PLEKHG4B: variants seen among roughly 807,000 people sequenced by gnomAD.
PLEKHG4B encodes the protein pleckstrin homology and RhoGEF domain containing G4B.
In PLEKHG4B, 111 loss-of-function variants were observed where a neutral mutation model predicts 121.3. The ratio of observed to expected loss-of-function variants is 0.92; its 90% CI spans 0.78 to 1.07. PLEKHG4B has a LOEUF of 1.07. PLEKHG4B is among the 50% of genes least tolerant of loss of function. PLEKHG4B has a pLI of 0.00. For synonymous variants in PLEKHG4B, 738 were observed against 725.0 expected, an observed-to-expected ratio of 1.02 and a Z score of -0.29; for missense variants, 1,831 against 1,757.8, an observed-to-expected ratio of 1.04 and a Z score of -0.74.
At position 163,230 on chromosome 5, in the gene PLEKHG4B, T is replaced by C. The variant is rs1199611592; in HGVS notation, c.3158T>C (p.Leu1053Pro). 15 of 1,606,200 alleles carry C rather than the reference T, an allele frequency of 9.3e-6. No individual in the cohort carries two copies. The highest frequency in any genetic ancestry group is 1.3e-5 in the African/African-American group (1 of 74,876). ...LPGAGATTAHLEDSSACSSEP... is the reference protein window; with the variant it reads ...LPGAGATTAHPEDSSACSSEP... ...GGGGCAGGGGCCACCACGGCCCACCTGGAGGACAGCTCTGCCTGTTCCTCT... is the reference window on the plus strand; with the variant it reads ...GGGGCAGGGGCCACCACGGCCCACCCGGAGGACAGCTCTGCCTGTTCCTCT... The change falls in exon 13 of 20, where the codon CTG becomes CCG. Residue 1053 changes from leucine to proline, a missense_variant. Leu to Pro is a moderately conservative substitution (Grantham distance 98). Transcript: ENST00000637938.
chr5:184,733 G>GT lies in PLEKHG4B; in HGVS notation c.*2411dup, dbSNP rs1733561288. 6.6e-6 allele frequency: 1 copy of GT among 152,184 alleles called. No homozygotes were observed. Among genetic ancestry groups the GT allele is most frequent in the Admixed American group, 6.5e-5 (1 of 15,278 alleles). The allele number at this position is 152,184 out of a possible 1,614,324, so 9.4% of individuals were successfully genotyped here. A position where few individuals can be genotyped will look rare whatever the true frequency, so the allele number is the denominator to read the frequency against. The stretch of plus-strand genomic sequence containing the variant: ...AAACGGGAAATGGGTTAAAAGATGA[G>GT]TGGCTTGGCCGGGTGCGGTGGCTCA... On this transcript the variant is annotated 3_prime_UTR_variant, in exon 20 of 20. Transcript: ENST00000637938.
At position 93,822 on chromosome 5, in the gene PLEKHG4B, G is replaced by A. The variant is rs145321171; in HGVS notation, c.45+1546G>A. 4.6e-3 allele frequency among the ~76,000 whole-genome samples: 698 copies of A among 152,262 alleles called. 2 individuals carry two copies. Among genetic ancestry groups the A allele is most frequent in the Non-Finnish European group, 7.1e-3 (481 of 68,008 alleles). Reference sequence around the variant, plus strand: ...AGTAGCCCAGAAATGCTGGGCTGAGGAAGTAATTTGCCCCAAGGCTCCCTG... The same window carrying A: ...AGTAGCCCAGAAATGCTGGGCTGAGAAAGTAATTTGCCCCAAGGCTCCCTG... On this transcript the variant is annotated intron_variant, in intron 1 of 19. Coordinates refer to ENST00000637938, the MANE Select transcript of PLEKHG4B (RefSeq NM_052909.5).
chr5:112,279 C>G (rs971737541), intron 1 of PLEKHG4B, among the ~76,000 whole-genome samples: 1 of 152,194 alleles, frequency 6.6e-6, no homozygotes, highest in African/African-American at 2.4e-5. Context: ...TACCTCCAGT[C>G]ACAGGCCCAG....
Position 143,437 on chromosome 5 carries a change from G to C in PLEKHG4B, c.1745G>C (p.Trp582Ser), listed in dbSNP as rs2126405776. 2 of 1,612,890 alleles carry C rather than the reference G, an allele frequency of 1.2e-6. No homozygotes were observed. The highest frequency in any genetic ancestry group is 1.6e-4 in the Middle Eastern group (1 of 6,062). Residue 582 changes from tryptophan (W) to serine (S), a missense_variant, in exon 5 of 20, where the codon TGG becomes TCG. By Grantham distance (177) the Trp-to-Ser change is radical. Coordinates refer to ENST00000637938, the MANE Select transcript of PLEKHG4B (RefSeq NM_052909.5). ...CAGGTCCGCACCAGGAGCCTGCTCTGGACCAGGGAACACTCGTCCTGTGCT... is the reference window on the plus strand; with the variant it reads ...CAGGTCCGCACCAGGAGCCTGCTCTCGACCAGGGAACACTCGTCCTGTGCT... ...VVQVRTRSLL[W>S]TREHSSCAEL...
chr5:178,847 AAC>A (rs1300075902), intron 18 of PLEKHG4B, among the ~76,000 whole-genome samples: 1 of 152,230 alleles, frequency 6.6e-6, no homozygotes, highest in African/African-American at 2.4e-5. Flanking sequence ...TATAAAATGG[AAC>A]AGTAGTTGCA....
chr5:98,999 A>G (rs1733715337), intron 1 of PLEKHG4B, among the ~76,000 whole-genome samples: 1 of 145,380 alleles, frequency 6.9e-6, no homozygotes, highest in Non-Finnish European at 1.5e-5. Context: ...TACTAAAAAT[A>G]CAAAAAATTA....
intron 8 of PLEKHG4B, 31 bp from the exon 9 acceptor site, chr5:155,314 T>G: frequency 6.4e-7 from 1 of 1,571,094 alleles, no homozygotes; most frequent in Middle Eastern, 1.7e-4. Flanking sequence ...GACTGTGTTC[T>G]TATAATCTCC....
intron 2 of PLEKHG4B, among the ~76,000 whole-genome samples, chr5:134,064 TATATATGATAGA>T (rs1734863125): frequency 8.4e-6 from 1 of 119,128 alleles, no homozygotes; most frequent in South Asian, 2.6e-4. Context: ...ATAGAATATA[TATATATGATAGA>T]ATATATATAT....
intron 8 of PLEKHG4B, 124 bp downstream of exon 8, chr5:155,115 G>A (rs570016664): frequency 7.0e-5 from 66 of 947,870 alleles, no homozygotes; most frequent in East Asian, 5.8e-4. Context: ...TACAGTCGCC[G>A]TTCAGGTCTT....
At chr5:168,385 C>T (rs1736421589) in intron 13 of PLEKHG4B, among the ~76,000 whole-genome samples, 1 of 152,206 alleles carries the variant, frequency 6.6e-6, no homozygotes, top group Non-Finnish European at 1.5e-5. Flanking sequence ...CTGCAGCCCC[C>T]GAGTACCCCT....
At chr5:136,798 C>T (rs1174321071) in intron 2 of PLEKHG4B, among the ~76,000 whole-genome samples, 2 of 152,196 alleles carry the variant, frequency 1.3e-5, no homozygotes, top group African/African-American at 2.4e-5. Context: ...GCTGTGGAAA[C>T]AGTTCTTCAA....
rs1291282458 is a variant in PLEKHG4B, at chr5:189,371, A to G, written c.*7048A>G. 1 of 152,296 alleles carries G rather than the reference A, an allele frequency of 6.6e-6. No individual in the cohort carries two copies. The highest frequency in any genetic ancestry group is 1.5e-5 in the Non-Finnish European group (1 of 68,136). 9.4% of individuals were successfully genotyped at this position (152,296 alleles called of 1,614,324 possible). A position where few individuals can be genotyped will look rare whatever the true frequency, so the allele number is the denominator to read the frequency against. On this transcript the variant is annotated 3_prime_UTR_variant, in exon 20 of 20. Coordinates refer to ENST00000637938, the MANE Select transcript of PLEKHG4B (RefSeq NM_052909.5). ...TGGTGAGCCATCCTAGGACCAGTGT[A>G]CCTCACAACCTTTCAGACCAGTGAA...
chr5:156,790 C>G lies in PLEKHG4B; in HGVS notation c.2366C>G (p.Ala789Gly), dbSNP rs1285712095. 6.4e-7 allele frequency: 1 copy of G among 1,561,784 alleles called. No homozygotes were observed. ...TEDSRDTLEA[A>G]TSLYDRVDEE... ...TTCCTCAGGGACACCCTGGAGGCCG[C>G]CACAAGCCTGTACGACCGAGTGGAT... Residue 789 changes from alanine to glycine, a missense_variant, in exon 11 of 20, where the codon GCC becomes GGC. Transcript: ENST00000637938. The surrounding 1 kb of genome is among the most constrained non-coding windows in gnomAD (Gnocchi z 4.4).
At chr5:97,834 T>C (rs2126328736) in intron 1 of PLEKHG4B, among the ~76,000 whole-genome samples, 3 of 152,280 alleles carry the variant, frequency 2.0e-5, no homozygotes, top group Middle Eastern at 6.8e-3. Context: ...TCTGTCACAG[T>C]TCTGTGTAAC....
At chr5:133,549 T>G (rs60881253) in intron 2 of PLEKHG4B, among the ~76,000 whole-genome samples, 10,764 of 152,074 alleles carry the variant, frequency 0.071, 656 homozygotes, top group African/African-American at 0.17. Context: ...CATCACTAAT[T>G]ATCAGGGAAA....
At chr5:117,491 A>G (rs1734338995) in intron 2 of PLEKHG4B, among the ~76,000 whole-genome samples, 1 of 152,178 alleles carries the variant, frequency 6.6e-6, no homozygotes, top group East Asian at 1.9e-4. Flanking sequence ...GTTATTTGTC[A>G]CTTTGTTTCA....
chr5:167,530 A>G (rs1736392098), intron 13 of PLEKHG4B, among the ~76,000 whole-genome samples: 1 of 152,148 alleles, frequency 6.6e-6, no homozygotes, highest in Non-Finnish European at 1.5e-5. Flanking sequence ...TAGAGGAGAA[A>G]AGCAACGCAC....
chr5:181,712 G>A, intron 19 of PLEKHG4B, 37 bp downstream of exon 19: 2 of 1,595,682 alleles, frequency 1.3e-6, no homozygotes, highest in Non-Finnish European at 1.7e-6. Flanking sequence ...TCACCCTGCA[G>A]AGGGCACTGG....
intron 17 of PLEKHG4B, 124 bp from the exon 18 acceptor site, chr5:173,794 C>CCAT (rs934474710): frequency 1.7e-6 from 2 of 1,155,086 alleles, no homozygotes; most frequent in Admixed American, 4.5e-5. Context: ...TCACCCTGAC[C>CCAT]CATCCCACAC....
Sources: gnomAD v4.1 joint callset for allele counts (sites outside exome capture counted in the v4.1 genomes callset) on GRCh38, gnomAD v4.1.1 for gene constraint, Gnocchi (gnomAD v3.1) non-coding constraint, MANE v1.5 for transcripts, NCBI Gene and HGNC (gene_info 2026-07-23, HGNC 2026-07-21) for gene names.